Variants in ROCK1 observed in about 807,000 individuals in gnomAD.
The protein encoded by ROCK1 is Rho associated coiled-coil containing protein kinase 1, also known as rho-associated protein kinase 1.
Under a neutral mutation model 196.8 loss-of-function variants are expected in ROCK1, and 36 were observed. The ratio of observed to expected loss-of-function variants is 0.18; its 90% confidence interval spans 0.14 to 0.24. The LOEUF (loss-of-function observed/expected upper bound fraction) is 0.24, where lower values mean the gene tolerates loss of function less well. ROCK1 is among the 10% of genes least tolerant of loss of function. The pLI is 1.00. For synonymous variants in ROCK1, 443 were observed against 515.9 expected (o/e 0.86, Z 1.91); for missense variants, 920 against 1,562.0 (o/e 0.59, Z 6.93).
chr18:21,087,134 T>A (rs527776984), intron 1 of ROCK1, among the ~76,000 whole-genome samples: 1 of 152,280 alleles, frequency 6.6e-6, no homozygotes, highest in South Asian at 2.1e-4. Context: ...CTATGCCTAA[T>A]TTAATACCTA....
At chr18:21,083,932 T>C (rs2036503951) in intron 1 of ROCK1, among the ~76,000 whole-genome samples, 1 of 152,060 alleles carries the variant, frequency 6.6e-6, no homozygotes, top group Non-Finnish European at 1.5e-5. Context: ...GGGTCAATTG[T>C]GCAGAAAAAT....
At chr18:20,987,210 T>C (rs1269431711) in intron 18 of ROCK1, 100 bp from the exon 19 acceptor site, 2 of 1,046,254 alleles carry the variant, frequency 1.9e-6, no homozygotes, top group Non-Finnish European at 2.8e-6. Context: ...GTCTCTATTG[T>C]TTTTATTCTG....
At chr18:21,012,487 T>C (rs2143447832) in intron 13 of ROCK1, among the ~76,000 whole-genome samples, 1 of 152,306 alleles carries the variant, frequency 6.6e-6, no homozygotes, top group Non-Finnish European at 1.5e-5. Context: ...GCCTCCATGG[T>C]TTCTGATAAG....
chr18:21,068,828 C>G (rs2036359219), intron 2 of ROCK1, among the ~76,000 whole-genome samples: 1 of 152,134 alleles, frequency 6.6e-6, no homozygotes, highest in African/African-American at 2.4e-5. Context: ...AACTTTCAAC[C>G]TTGCTGAATG....
rs2035181427 is a variant in ROCK1 at position 20,950,997 on chromosome 18, T to C, written c.*387A>G. ...TTTCTTTACTCCTTCCATGAGCTGA[T>C]CTTGATAGTGATGGCTGTTCCACTT... On this transcript the variant is annotated 3_prime_UTR_variant, in exon 33 of 33. Coordinates refer to ENST00000399799, the MANE Select transcript of ROCK1 (RefSeq NM_005406.3). 5.7e-6 allele frequency: 1 copy of C among 174,948 alleles called. No individual in the cohort carries two copies. Among genetic ancestry groups the C allele is most frequent in the African/African-American group, 2.4e-5 (1 of 42,380 alleles). The allele number at this position is 174,948 out of a possible 1,614,324, so 10.8% of individuals were successfully genotyped here.
At chr18:21,041,082 C>A (rs2036101580) in intron 8 of ROCK1, among the ~76,000 whole-genome samples, 1 of 151,776 alleles carries the variant, frequency 6.6e-6, no homozygotes, top group Non-Finnish European at 1.5e-5. Context: ...GATCATGCCA[C>A]TGCACTCCAG....
chr18:20,979,909 CTTTT>C lies in ROCK1; in HGVS notation c.2651_2654del (p.Glu886LeufsTer8). Reference sequence around the variant, plus strand: ...CTTGTTCTAAAGTAAAATGGACATACTTTTCATTTTGTAGTTCCTGTATTTTCTT... The same window carrying C: ...CTTGTTCTAAAGTAAAATGGACATACCATTTTGTAGTTCCTGTATTTTCTT... On this transcript the variant is annotated frameshift_variant and splice_region_variant, in exon 22 of 33. Coordinates refer to ENST00000399799, the MANE Select transcript of ROCK1 (RefSeq NM_005406.3). LOFTEE classifies it high-confidence loss of function. The C allele has an allele frequency of 6.5e-7, 1 of 1,530,004 alleles. No homozygotes were observed. Among genetic ancestry groups the C allele is most frequent in the Non-Finnish European group, 8.8e-7 (1 of 1,137,530 alleles). The allele number at this position is 1,530,004 out of a possible 1,614,324, so 94.8% of individuals were successfully genotyped here.
Position 21,042,581 on chromosome 18 carries a change from T to C in ROCK1, c.804A>G (p.Leu268=). The C allele has an allele frequency of 6.2e-7, 1 of 1,613,816 alleles. No individual in the cohort carries two copies. Among genetic ancestry groups the C allele is most frequent in the Non-Finnish European group, 8.5e-7 (1 of 1,179,816 alleles). ...ECDWWSVGVF[L]YEMLVGDTPF... is the part of the protein sequence containing the mutation. ...CTTACTCACCTACAAGCATTTCGTA[T>C]AAAAATACCCCAACCGACCACCAGT... Residue 268 remains leucine (L), a synonymous_variant, in exon 7 of 33, where the codon TTA becomes TTG. Transcript: ENST00000399799.
rs1473646856 is a variant in ROCK1 at position 21,049,900 on chromosome 18, T to C, written c.176-20A>G. ...CTTTATCTGTATGAAAAGAAAAGTT[T>C]ATCATTTTAAATCACTAAAGCATTA... On this transcript the variant is annotated intron_variant, in intron 2 of 32. Transcript: ENST00000399799. 4.2e-6 allele frequency: 6 copies of C among 1,426,258 alleles called. No homozygotes were observed. The highest frequency in any genetic ancestry group is 2.4e-5 in the East Asian group (1 of 42,284). 88.4% of individuals were successfully genotyped at this position (1,426,258 alleles called of 1,614,324 possible).
intron 29 of ROCK1, among the ~76,000 whole-genome samples, chr18:20,958,539 A>G (rs1461636962): frequency 1.3e-4 from 20 of 151,996 alleles, no homozygotes; most frequent in African/African-American, 4.1e-4. Context: ...AAAAAATACT[A>G]TATTATAGGC....
At chr18:21,045,906 T>C (rs867145958) in intron 4 of ROCK1, among the ~76,000 whole-genome samples, 2 of 125,696 alleles carry the variant, frequency 1.6e-5, no homozygotes, top group Admixed American at 7.9e-5. Flanking sequence ...GCTGTTTTTT[T>C]TTTTTTTTTT....
At chr18:20,959,004 AT>A (rs1158963040) in intron 29 of ROCK1, among the ~76,000 whole-genome samples, 2 of 81,294 alleles carry the variant, frequency 2.5e-5, no homozygotes, top group Non-Finnish European at 4.4e-5. Context: ...TAATATATAT[AT>A]TTTATATAAT....
At chr18:20,957,581 A>G (rs2035256450) in intron 29 of ROCK1, among the ~76,000 whole-genome samples, 1 of 152,152 alleles carries the variant, frequency 6.6e-6, no homozygotes, top group African/African-American at 2.4e-5. Context: ...CCTGGGTTCA[A>G]GCGATTCTCC....
chr18:21,013,328 C>T (rs180851099), intron 13 of ROCK1, among the ~76,000 whole-genome samples: 1 of 152,342 alleles, frequency 6.6e-6, no homozygotes, highest in East Asian at 1.9e-4. Context: ...TCCACTCAGC[C>T]TCTACTGACA....
chr18:21,015,514 A>T (rs745880847), intron 12 of ROCK1, 35 bp from the exon 13 acceptor site: 1 of 1,307,346 alleles, frequency 7.6e-7, no homozygotes, highest in Non-Finnish European at 1.1e-6. Flanking sequence ...TTAGAAATAT[A>T]CGTATTTCTT....
intron 11 of ROCK1, 87 bp from the exon 12 acceptor site, chr18:21,020,326 C>A (rs2035903563): frequency 1.6e-6 from 1 of 606,238 alleles, no homozygotes; most frequent in Non-Finnish European, 2.6e-6. Flanking sequence ...TATTTTAAAC[C>A]TTTTTAGAAA....
chr18:21,066,862 A>C (rs1163376222), intron 2 of ROCK1, among the ~76,000 whole-genome samples: 2 of 152,228 alleles, frequency 1.3e-5, no homozygotes, highest in Admixed American at 1.3e-4. Flanking sequence ...TCCAGTTTTC[A>C]GCAAACATAA....
chr18:21,100,564 GTTTATAATGA>G (rs893284841), intron 1 of ROCK1, among the ~76,000 whole-genome samples: 29 of 150,482 alleles, frequency 1.9e-4, no homozygotes, highest in South Asian at 1.1e-3. Context: ...TTTTAAATGT[GTTTATAATGA>G]TGCCAAAAAT....
At chr18:21,100,796 C>G (rs1298904354) in intron 1 of ROCK1, among the ~76,000 whole-genome samples, 1 of 152,036 alleles carries the variant, frequency 6.6e-6, no homozygotes, top group Non-Finnish European at 1.5e-5. Context: ...TCCACAAGCT[C>G]CTCTTTACTT....
Sources: gnomAD v4.1 joint callset for allele counts (sites outside exome capture counted in the v4.1 genomes callset) on GRCh38, gnomAD v4.1.1 for gene constraint, MANE v1.5 for transcripts, NCBI Gene and HGNC (gene_info 2026-07-23, HGNC 2026-07-21) for gene names.